DPF3: variants seen among roughly 807,000 people sequenced by gnomAD.
DPF3 encodes the protein double PHD fingers 3.
In DPF3, 18 loss-of-function variants were observed where a neutral mutation model predicts 56.8. The observed-to-expected ratio is 0.32, with a 90% CI of 0.22 to 0.47. The LOEUF (loss-of-function observed/expected upper bound fraction) is 0.47, where lower values mean the gene tolerates loss of function less well. Ranked by LOEUF, DPF3 falls within the 20% of genes least tolerant of loss-of-function variation. DPF3 has a pLI of 1.00. For missense variants in DPF3, 403 were observed against 488.8 expected, an observed-to-expected ratio of 0.82 and a Z score of 1.65; for synonymous variants, 188 against 180.2, an observed-to-expected ratio of 1.04 and a Z score of -0.35.
chr14:72,829,353 A>G (rs763730343), intron 1 of DPF3, among the ~76,000 whole-genome samples: 3 of 152,166 alleles, frequency 2.0e-5, no homozygotes, highest in Admixed American at 6.5e-5. Context: ...CTTACTTACA[A>G]CATGAGATAT....
chr14:72,775,160 CA>C (rs796132202), intron 1 of DPF3, among the ~76,000 whole-genome samples: 12 of 143,588 alleles, frequency 8.4e-5, no homozygotes, highest in East Asian at 2.0e-4. Context: ...GACAGACTGC[CA>C]AAAAAAAAAG....
chr14:72,697,624 G>T (rs1887961195), intron 6 of DPF3, among the ~76,000 whole-genome samples: 1 of 152,216 alleles, frequency 6.6e-6, no homozygotes, highest in Non-Finnish European at 1.5e-5. Flanking sequence ...GGGCAGCCAG[G>T]AGAGGATTCT....
At chr14:72,754,582 G>C (rs774090858) in intron 2 of DPF3, among the ~76,000 whole-genome samples, 1 of 152,214 alleles carries the variant, frequency 6.6e-6, no homozygotes, top group Non-Finnish European at 1.5e-5. Flanking sequence ...TACCACAAAA[G>C]TGTCACTGTG....
intron 2 of DPF3, among the ~76,000 whole-genome samples, chr14:72,765,019 G>A (rs1599421605): frequency 6.6e-6 from 1 of 152,206 alleles, no homozygotes; most frequent in Middle Eastern, 3.2e-3. Context: ...TGTCCGCAGG[G>A]AATTGGAGAA....
At chr14:72,731,607 GA>G in intron 4 of DPF3, 199 bp downstream of exon 4, 1 of 652,236 alleles carries the variant, frequency 1.5e-6, no homozygotes, top group Non-Finnish European at 2.6e-6. Context: ...GAACCGAGGT[GA>G]AGGCAATAAT....
chr14:72,642,290 C>G (rs1024471575), intron 8 of DPF3, among the ~76,000 whole-genome samples: 1 of 152,208 alleles, frequency 6.6e-6, no homozygotes, highest in East Asian at 1.9e-4. Flanking sequence ...TGTTACACAG[C>G]AATAGCTAAC....
chr14:72,794,634 C>A (rs1018561068), intron 1 of DPF3, among the ~76,000 whole-genome samples: 1 of 152,074 alleles, frequency 6.6e-6, no homozygotes, highest in African/African-American at 2.4e-5. Flanking sequence ...GGAGGAGGAG[C>A]CTTAGCAGGT....
At chr14:72,777,249 AT>A (rs1398096893) in intron 1 of DPF3, among the ~76,000 whole-genome samples, 1 of 152,198 alleles carries the variant, frequency 6.6e-6, no homozygotes, top group Non-Finnish European at 1.5e-5. Flanking sequence ...CTACACCAAT[AT>A]GCTAACTTCC....
rs180896779 is a variant in DPF3, at chr14:72,863,974, T to C, written c.32+30083A>G. On this transcript the variant is annotated intron_variant, in intron 1 of 10. Transcript: ENST00000556509. ...GGTCACAGAAGCAAAGGCCTGGAGG[T>C]GGGAAGCCCATGGTGGGATGTGATT... 2.9e-3 allele frequency among the ~76,000 whole-genome samples: 443 copies of C among 151,980 alleles called. 3 individuals are homozygous for C. Among genetic ancestry groups the C allele is most frequent in the African/African-American group, 0.01 (422 of 41,452 alleles).
chr14:72,884,959 TATA>T (rs1274998323), intron 1 of DPF3, among the ~76,000 whole-genome samples: 1 of 101,722 alleles, frequency 9.8e-6, no homozygotes, highest in Non-Finnish European at 2.1e-5. Flanking sequence ...TATATATATA[TATA>T]TATATATATT....
intron 8 of DPF3, among the ~76,000 whole-genome samples, chr14:72,650,776 G>C (rs1263932042): frequency 6.6e-6 from 1 of 152,180 alleles, no homozygotes. Context: ...TGAGCTAAGA[G>C]GACAAAGGAG....
intron 1 of DPF3, among the ~76,000 whole-genome samples, chr14:72,878,411 T>C (rs910549743): frequency 2.0e-5 from 3 of 152,164 alleles, no homozygotes; most frequent in African/African-American, 4.8e-5. Context: ...TCTCTAGGCA[T>C]TGATACTGTG....
intron 1 of DPF3, among the ~76,000 whole-genome samples, chr14:72,803,638 T>C (rs975020247): frequency 3.9e-5 from 6 of 152,184 alleles, no homozygotes; most frequent in Admixed American, 3.3e-4. Context: ...GAGTGGAAGC[T>C]CCACAAGGGT....
In DPF3 at chr14:72,713,660, C is replaced by T. The variant is rs143871860; in HGVS notation, c.604+763G>A. 4.7e-4 allele frequency among the ~76,000 whole-genome samples: 72 copies of T among 152,258 alleles called. 2 individuals are homozygous for T. The highest frequency in any genetic ancestry group is 1.6e-3 in the African/African-American group (68 of 41,536). ...TCCCATAGAATGAGCAAATGGTACC[C>T]GGTACAGTGAGAAGATGACTAGGGC... is the stretch of plus-strand genomic sequence containing the variant. On this transcript the variant is annotated intron_variant, in intron 6 of 10. Coordinates refer to ENST00000556509, the MANE Select transcript of DPF3 (RefSeq NM_001280542.3).
chr14:72,859,043 ATTG>A (rs1435894969), intron 1 of DPF3, among the ~76,000 whole-genome samples: 1 of 152,220 alleles, frequency 6.6e-6, no homozygotes, highest in Admixed American at 6.5e-5. Flanking sequence ...CTGTGGAATT[ATTG>A]TTAACTCAGA....
Position 72,611,531 on chromosome 14 carries a change from C to T in DPF3, c.*7766G>A, listed in dbSNP as rs1883725418. On this transcript the variant is annotated 3_prime_UTR_variant, in exon 11 of 11. Transcript: ENST00000556509. ...AAGCCCCCACCCCCCCAGTCCCGCT[C>T]TCTGCTTTCTCTAGCAGGGAAAAGA... 6.6e-6 allele frequency among the ~76,000 whole-genome samples: 1 copy of T among 152,240 alleles called. No homozygotes were observed. Among genetic ancestry groups the T allele is most frequent in the East Asian group, 1.9e-4 (1 of 5,150 alleles).
Position 72,702,142 on chromosome 14 carries a change from G to A in DPF3, c.605-8929C>T, listed in dbSNP as rs372369151. On this transcript the variant is annotated intron_variant, in intron 6 of 10. Transcript: ENST00000556509. ...CTTGAAGCACGTGACTGAAAGGTGCGCTGGTGAGTCTCTGCTTGGCACTGC... is the reference window on the plus strand; with the variant it reads ...CTTGAAGCACGTGACTGAAAGGTGCACTGGTGAGTCTCTGCTTGGCACTGC... Among the ~76,000 whole-genome samples the A allele has an allele frequency of 3.4e-4, 52 of 152,260 alleles. No homozygotes were observed. In the East Asian group the frequency reaches 7.9e-3, roughly 23 times the overall value.
chr14:72,831,949 GGCTCAT>G (rs1157037027), intron 1 of DPF3, among the ~76,000 whole-genome samples: 1 of 152,178 alleles, frequency 6.6e-6, no homozygotes, highest in African/African-American at 2.4e-5. Flanking sequence ...TAGGTGTGGT[GGCTCAT>G]GCCTGTAATC....
At chr14:72,641,285 G>T (rs1321440009) in intron 8 of DPF3, among the ~76,000 whole-genome samples, 2 of 152,300 alleles carry the variant, frequency 1.3e-5, no homozygotes, top group East Asian at 3.9e-4. Flanking sequence ...CGCAGGCTTT[G>T]TCCAGCACTC....
Sources: allele counts gnomAD v4.1 joint callset (sites outside exome capture counted in the v4.1 genomes callset), GRCh38; gene constraint gnomAD v4.1.1; transcripts MANE v1.5; gene names NCBI Gene and HGNC (gene_info 2026-07-23, HGNC 2026-07-21).